ATP13A4: variants seen among roughly 807,000 people sequenced by gnomAD.
ATP13A4 encodes the protein probable cation-transporting ATPase 13A4.
ATP13A4 carries 114 observed loss-of-function variants against 142.5 expected under a neutral mutation model. The observed-to-expected ratio is 0.80, with a 90% confidence interval of 0.69 to 0.93. ATP13A4 has a LOEUF of 0.93. Ranked by LOEUF, ATP13A4 falls within the 40% of genes least tolerant of loss-of-function variation. ATP13A4 has a pLI of 0.00. For synonymous variants in ATP13A4, 488 were observed against 514.8 expected (o/e 0.95, Z 0.70); for missense variants, 1,392 against 1,454.0 (o/e 0.96, Z 0.69).
Position 193,522,042 on chromosome 3 carries a change from T to C in ATP13A4, c.61-7171A>G, listed in dbSNP as rs1200989972. Among the ~76,000 whole-genome samples, 4 of 152,172 alleles carry C rather than the reference T, an allele frequency of 2.6e-5. No individual in the cohort carries two copies. The East Asian group carries it at 7.7e-4, about 29-fold the overall frequency. ...GTCATAATTACCCTAAAGTTAGCATTCCCAGAGAAAGTTAGTGACAGAGGC... is the reference window on the plus strand; with the variant it reads ...GTCATAATTACCCTAAAGTTAGCATCCCCAGAGAAAGTTAGTGACAGAGGC... On this transcript the variant is annotated intron_variant, in intron 1 of 29. Transcript: ENST00000342695.
chr3:193,582,633 A>G lies in ATP13A4; in HGVS notation n.92-727T>C, dbSNP rs548781957. Among the ~76,000 whole-genome samples the G allele has an allele frequency of 2.0e-4, 13 of 66,376 alleles. 3 individuals are homozygous for G. The highest frequency in any genetic ancestry group is 2.6e-4 in the Non-Finnish European group (10 of 38,002). 43.5% of individuals were successfully genotyped at this position (66,376 alleles called of 152,430 possible). ...TGTATATTATATATGTATATTACAT[A>G]CATTATATATGTATATTACATACAT... On this transcript the variant is annotated intron_variant and non_coding_transcript_variant, in intron 1 of 3. Coordinates refer to the ATP13A4 transcript ENST00000489140.
chr3:193,574,625 A>G (rs1724355817), intron 2 of ATP13A4, among the ~76,000 whole-genome samples: 1 of 152,202 alleles, frequency 6.6e-6, no homozygotes, highest in African/African-American at 2.4e-5. Flanking sequence ...CTGAGTCAGG[A>G]GAATCACTTG....
chr3:193,413,221 T>C (rs1463944915), intron 26 of ATP13A4, among the ~76,000 whole-genome samples: 2 of 152,260 alleles, frequency 1.3e-5, no homozygotes, highest in Non-Finnish European at 1.5e-5. Context: ...GAAAATTTCA[T>C]GGACATTTAT....
intron 1 of ATP13A4, among the ~76,000 whole-genome samples, chr3:193,551,031 A>T (rs1397452005): frequency 6.6e-6 from 1 of 152,228 alleles, no homozygotes; most frequent in Non-Finnish European, 1.5e-5. Flanking sequence ...TAAAAAAGGT[A>T]GGTGTTTTCC....
intron 25 of ATP13A4, among the ~76,000 whole-genome samples, chr3:193,432,534 A>G (rs143356341): frequency 1.3e-5 from 2 of 152,254 alleles, no homozygotes; most frequent in African/African-American, 4.8e-5. Flanking sequence ...TGTGGTACAT[A>G]CAGACAATGG....
chr3:193,422,065 A>G (rs891617067), intron 25 of ATP13A4, among the ~76,000 whole-genome samples: 5 of 149,848 alleles, frequency 3.3e-5, no homozygotes, highest in Admixed American at 6.9e-5. Context: ...CTTTATCCTT[A>G]GAGACACAAA....
chr3:193,473,765 G>T (rs1452275806), intron 8 of ATP13A4, among the ~76,000 whole-genome samples: 2 of 152,088 alleles, frequency 1.3e-5, no homozygotes, highest in Non-Finnish European at 2.9e-5. Context: ...GGCAACATCA[G>T]AAAATTCAAA....
Position 193,517,575 on chromosome 3 carries a change from G to A in ATP13A4, c.61-2704C>T, listed in dbSNP as rs187528705. Among the ~76,000 whole-genome samples, 835 of 152,284 alleles carry A rather than the reference G, an allele frequency of 5.5e-3. 14 individuals carry two copies. In the East Asian group the frequency reaches 0.069, roughly 13 times the overall value. ...GGCTCACTGCAAGCTCCGCCTCCCGGGTTCACGCCATTCTCCTGCCTCAGC... is the reference window on the plus strand; with the variant it reads ...GGCTCACTGCAAGCTCCGCCTCCCGAGTTCACGCCATTCTCCTGCCTCAGC... On this transcript the variant is annotated intron_variant, in intron 1 of 29. Coordinates refer to ENST00000342695, the MANE Select transcript of ATP13A4 (RefSeq NM_032279.4).
At position 193,491,572 on chromosome 3, in the gene ATP13A4, CCCAGTTGCAAAAACGATA is replaced by C. The variant is rs1248411328; in HGVS notation, c.534-192_534-175del. On this transcript the variant is annotated intron_variant, in intron 5 of 29. Coordinates refer to ENST00000342695, the MANE Select transcript of ATP13A4 (RefSeq NM_032279.4). The stretch of plus-strand genomic sequence containing the variant: ...CTCAAAATAATGGGAGGTGAGGGTT[CCCAGTTGCAAAAACGATA>C]AATATGACCATATTGCTTCTAGAAG... Among the ~76,000 whole-genome samples, 309 of 152,224 alleles carry C rather than the reference CCCAGTTGCAAAAACGATA, an allele frequency of 2.0e-3. 2 individuals are homozygous for C. The highest frequency in any genetic ancestry group is 7.2e-3 in the African/African-American group (298 of 41,544).
At chr3:193,436,903 G>T (rs1363603501) in intron 23 of ATP13A4, among the ~76,000 whole-genome samples, 1 of 141,180 alleles carries the variant, frequency 7.1e-6, no homozygotes, top group Non-Finnish European at 1.5e-5. Context: ...AGGAGATCGA[G>T]ACCATCCCGG....
chr3:193,479,688 C>T (rs1719180608), intron 8 of ATP13A4, among the ~76,000 whole-genome samples: 1 of 152,096 alleles, frequency 6.6e-6, no homozygotes, highest in Non-Finnish European at 1.5e-5. Context: ...AATGACCATA[C>T]TGCCAAAATC....
rs13073240 is a variant in ATP13A4, at chr3:193,419,559, G to A, written c.2843-4809C>T. On this transcript the variant is annotated intron_variant, in intron 25 of 29. Coordinates refer to ENST00000342695, the MANE Select transcript of ATP13A4 (RefSeq NM_032279.4). Reference sequence around the variant, plus strand: ...AAGAGCAGTCATACCTCACTTCCCCGACCCCCTATACTTACCCCCAAGCCT... The same window carrying A: ...AAGAGCAGTCATACCTCACTTCCCCAACCCCCTATACTTACCCCCAAGCCT... 3.1e-4 allele frequency among the ~76,000 whole-genome samples: 43 copies of A among 137,948 alleles called. 1 individual carries two copies. Among genetic ancestry groups the A allele is most frequent in the Non-Finnish European group, 5.3e-4 (34 of 64,432 alleles). The allele number at this position is 137,948 out of a possible 152,430, so 90.5% of individuals were successfully genotyped here.
chr3:193,535,756 T>C (rs11708380), intron 1 of ATP13A4, among the ~76,000 whole-genome samples: 1 of 151,578 alleles, frequency 6.6e-6, no homozygotes, highest in Non-Finnish European at 1.5e-5. Flanking sequence ...ATCAGTAATA[T>C]TGACAAACCA....
chr3:193,451,155 A>C (rs759009039), intron 17 of ATP13A4, among the ~76,000 whole-genome samples: 19 of 151,998 alleles, frequency 1.3e-4, no homozygotes, highest in Admixed American at 3.9e-4. Context: ...TGCCTTCCCT[A>C]TTGAAGTGCA....
chr3:193,451,342 A>G (rs1209053787), intron 17 of ATP13A4, among the ~76,000 whole-genome samples: 1 of 152,232 alleles, frequency 6.6e-6, no homozygotes, highest in Non-Finnish European at 1.5e-5. Context: ...CATTGGCACT[A>G]GTATTTCTAG....
intron 1 of ATP13A4, among the ~76,000 whole-genome samples, chr3:193,523,068 C>T (rs768692828): frequency 2.0e-5 from 3 of 151,850 alleles, no homozygotes; most frequent in African/African-American, 7.3e-5. Flanking sequence ...TTTGGGAGGT[C>T]GAGGCACGCG....
upstream of ATP13A4, among the ~76,000 whole-genome samples, chr3:193,557,489 A>G (rs1723927783): frequency 6.6e-6 from 1 of 152,230 alleles, no homozygotes; most frequent in South Asian, 2.1e-4. Context: ...GCACAATTCT[A>G]AACAGTTTAC....
chr3:193,565,912 A>G (rs2108738828), intron 2 of ATP13A4, among the ~76,000 whole-genome samples: 1 of 152,286 alleles, frequency 6.6e-6, no homozygotes, highest in African/African-American at 2.4e-5. Context: ...TGGAACTGAT[A>G]TTATTGTCCT....
At position 193,459,129 on chromosome 3, in the gene ATP13A4, G is replaced by C. The variant is rs1383568182; in HGVS notation, c.1626C>G (p.Thr542=). The stretch of plus-strand genomic sequence containing the variant: ...TGAGGTCCAGAGGGTCTCCCTGGAT[G>C]GTCCCATCAAGAAGGATCAGAGAGT... ...SCHSLILLDG[T]IQGDPLDLKM... The change falls in exon 14 of 30, where the codon ACC becomes ACG. Residue 542 remains threonine (T), a synonymous_variant. Transcript: ENST00000342695. The C allele has an allele frequency of 6.2e-7, 1 of 1,614,206 alleles. No homozygotes were observed. The highest frequency in any genetic ancestry group is 2.2e-5 in the East Asian group (1 of 44,878).
Sources: allele counts gnomAD v4.1 joint callset (sites outside exome capture counted in the v4.1 genomes callset), GRCh38; gene constraint gnomAD v4.1.1; transcripts MANE v1.5; gene names NCBI Gene and HGNC (gene_info 2026-07-23, HGNC 2026-07-21).